Variants in SGCD observed in about 807,000 individuals in gnomAD.
The protein encoded by SGCD is delta-sarcoglycan.
In SGCD, 18 loss-of-function variants were observed where a neutral mutation model predicts 36.6. The observed-to-expected ratio is 0.49, with a 90% CI of 0.34 to 0.73. The LOEUF (loss-of-function observed/expected upper bound fraction) is 0.73. SGCD is among the 30% of genes least tolerant of loss of function. The pLI, the probability that SGCD is intolerant of heterozygous loss-of-function variation, is 0.01. For missense variants in SGCD, 387 were observed against 346.7 expected (o/e 1.12, Z -0.92); for synonymous variants, 133 against 130.6 (o/e 1.02, Z -0.12).
upstream of SGCD, chr5:156,326,985 T>G (rs1767839355): frequency 6.6e-6 from 1 of 152,312 alleles, no homozygotes; most frequent in Non-Finnish European, 1.5e-5. Context: ...AAAGCCATAT[T>G]GAAGTACGGA....
rs1239823493 is a variant in SGCD, at chr5:156,609,273, G to A, written c.502+14222G>A. On this transcript the variant is annotated intron_variant, in intron 6 of 8. Coordinates refer to ENST00000337851, the MANE Select transcript of SGCD (RefSeq NM_000337.6). Reference sequence around the variant, plus strand: ...AAAATCTCTCAGCATTTGCTTGTCTGTAAAGTATTTTATTTCTCCTTCACT... The same window carrying A: ...AAAATCTCTCAGCATTTGCTTGTCTATAAAGTATTTTATTTCTCCTTCACT... Among the ~76,000 whole-genome samples the A allele has an allele frequency of 7.2e-5, 11 of 152,240 alleles. No individual in the cohort carries two copies. In the South Asian group the frequency reaches 1.9e-3, roughly 26 times the overall value.
At chr5:155,816,487 T>C in the SGCD span, among the ~76,000 whole-genome samples, 88 of 152,194 alleles carry the variant, frequency 5.8e-4, no homozygotes, top group African/African-American at 2.1e-3. Flanking sequence ...TTGAGCAGGC[T>C]GAGGAGGAGG....
intron 3 of SGCD, among the ~76,000 whole-genome samples, chr5:156,484,226 C>T (rs887768611): frequency 6.6e-6 from 1 of 152,124 alleles, no homozygotes; most frequent in Non-Finnish European, 1.5e-5. Flanking sequence ...AACAGAAGGC[C>T]TTCTTTTTCC....
the SGCD span, among the ~76,000 whole-genome samples, chr5:155,855,114 A>G: frequency 6.6e-6 from 1 of 152,060 alleles, no homozygotes; most frequent in Admixed American, 6.6e-5. Flanking sequence ...ACCGACCTTT[A>G]ACTGCCAACA....
chr5:156,549,200 C>T (rs1758697598), intron 4 of SGCD, among the ~76,000 whole-genome samples: 1 of 151,856 alleles, frequency 6.6e-6, no homozygotes, highest in Non-Finnish European at 1.5e-5. Flanking sequence ...CAAGGTATGA[C>T]ATCATCTTTG....
chr5:155,966,951 GTGTGTGTATGTGTGTGTA>G (rs1170299499), intron 1 of SGCD, among the ~76,000 whole-genome samples: 1 of 151,394 alleles, frequency 6.6e-6, no homozygotes, highest in Non-Finnish European at 1.5e-5. Flanking sequence ...GTGTGTGTGT[GTGTGTGTATGTGTGTGTA>G]TGTGTATGTG....
chr5:156,607,666 C>T (rs535528083), intron 6 of SGCD, among the ~76,000 whole-genome samples: 259 of 151,412 alleles, frequency 1.7e-3, no homozygotes, highest in African/African-American at 5.7e-3. Flanking sequence ...GCTGTGAATC[C>T]ATCTGGTCCT....
At chr5:156,106,287 G>T (rs1198269900) in intron 1 of SGCD, among the ~76,000 whole-genome samples, 3 of 152,016 alleles carry the variant, frequency 2.0e-5, no homozygotes, top group Admixed American at 6.6e-5. Flanking sequence ...TTGAAAAGAA[G>T]AATTTGAAGA....
chr5:155,736,124 A>C, the SGCD span, among the ~76,000 whole-genome samples: 1 of 152,342 alleles, frequency 6.6e-6, no homozygotes, highest in East Asian at 1.9e-4. Flanking sequence ...GTGTACTTTG[A>C]CATTGTTAAC....
At chr5:156,004,546 T>A (rs1160761049) in intron 1 of SGCD, among the ~76,000 whole-genome samples, 1 of 152,160 alleles carries the variant, frequency 6.6e-6, no homozygotes, top group East Asian at 1.9e-4. Context: ...ATCATCCAGC[T>A]AGTTAGAGGT....
intron 3 of SGCD, among the ~76,000 whole-genome samples, chr5:156,186,906 G>A (rs114806713): frequency 0.012 from 1,868 of 152,186 alleles, 33 homozygotes; most frequent in African/African-American, 0.039. Context: ...CAAGTCAATG[G>A]CCTTTACTCA....
At chr5:156,549,814 C>T (rs1468839430) in intron 4 of SGCD, among the ~76,000 whole-genome samples, 2 of 152,198 alleles carry the variant, frequency 1.3e-5, no homozygotes, top group African/African-American at 4.8e-5. Flanking sequence ...GGTACCCAAA[C>T]CCTTTCTACT....
intron 3 of SGCD, among the ~76,000 whole-genome samples, chr5:156,226,715 A>T (rs1252282964): frequency 1.3e-5 from 2 of 152,046 alleles, no homozygotes; most frequent in Non-Finnish European, 2.9e-5. Context: ...AACTGCCAAC[A>T]GGGATGTAGT....
At chr5:155,997,418 A>C (rs1366300637) in intron 1 of SGCD, among the ~76,000 whole-genome samples, 1 of 152,226 alleles carries the variant, frequency 6.6e-6, no homozygotes, top group African/African-American at 2.4e-5. Flanking sequence ...GACTTGCATA[A>C]GTGACTACAG....
At chr5:156,171,793 A>G (rs971253183) in intron 3 of SGCD, among the ~76,000 whole-genome samples, 1 of 152,198 alleles carries the variant, frequency 6.6e-6, no homozygotes, top group African/African-American at 2.4e-5. Context: ...TGTGCCTTTC[A>G]AATCCAACTC....
chr5:156,410,383 T>TG (rs1303647969), intron 3 of SGCD, among the ~76,000 whole-genome samples: 2 of 149,268 alleles, frequency 1.3e-5, no homozygotes, highest in Non-Finnish European at 3.0e-5. Flanking sequence ...TGGGGGCTAC[T>TG]GGGGAGGGGG....
chr5:156,229,253 C>CATATAT (rs1201196296), intron 3 of SGCD, among the ~76,000 whole-genome samples: 1 of 66,348 alleles, frequency 1.5e-5, no homozygotes, highest in African/African-American at 6.4e-5. Context: ...TATATATATA[C>CATATAT]ATACATACAT....
intron 7 of SGCD, among the ~76,000 whole-genome samples, chr5:156,694,233 G>T (rs554496493): frequency 6.6e-6 from 1 of 152,326 alleles, no homozygotes; most frequent in South Asian, 2.1e-4. Context: ...CCAGGTCACT[G>T]TAATTTCCAG....
chr5:156,163,650 A>C (rs888242650), intron 3 of SGCD, among the ~76,000 whole-genome samples: 1 of 151,576 alleles, frequency 6.6e-6, no homozygotes, highest in Non-Finnish European at 1.5e-5. Context: ...AGCTATGACC[A>C]GGCATCACTC....
Sources: allele counts gnomAD v4.1 joint callset (sites outside exome capture counted in the v4.1 genomes callset), GRCh38; gene constraint gnomAD v4.1.1; transcripts MANE v1.5; gene names NCBI Gene and HGNC (gene_info 2026-07-23, HGNC 2026-07-21).